The following ERC1 variants were observed in gnomAD, a reference collection of about 807,000 sequenced individuals.
ERC1 encodes ELKS/RAB6-interacting/CAST family member 1, also known as RAB6 interacting protein 2.
In ERC1, 56 loss-of-function variants were observed where a neutral mutation model predicts 132.0. The observed-to-expected ratio is 0.42, with a 90% confidence interval of 0.34 to 0.53. The LOEUF (loss-of-function observed/expected upper bound fraction) is 0.53. ERC1 is among the 20% of genes least tolerant of loss of function. ERC1 has a pLI of 0.03. For missense variants in ERC1, 1,202 were observed against 1,349.9 expected, an observed-to-expected ratio of 0.89 and a Z score of 1.72; for synonymous variants, 478 against 476.1, an observed-to-expected ratio of 1.00 and a Z score of -0.05.
intron 15 of ERC1, among the ~76,000 whole-genome samples, chr12:1,300,233 A>G (rs2080282758): frequency 6.6e-6 from 1 of 152,342 alleles, no homozygotes; most frequent in East Asian, 1.9e-4. Flanking sequence ...TCCTTATTCA[A>G]TAAATGGTCC....
intron 1 of ERC1, among the ~76,000 whole-genome samples, chr12:996,109 G>A (rs1281930365): frequency 6.7e-6 from 1 of 148,496 alleles, no homozygotes; most frequent in African/African-American, 2.5e-5. Flanking sequence ...TTTTTTTTGA[G>A]ATGGAGTCTC....
intron 1 of ERC1, among the ~76,000 whole-genome samples, chr12:1,001,790 A>T (rs1962344888): frequency 6.7e-6 from 1 of 148,928 alleles, no homozygotes; most frequent in Non-Finnish European, 1.5e-5. Flanking sequence ...ATTGATGGAT[A>T]TTTAGGTTGT....
At chr12:1,411,435 G>C (rs1196997722) in intron 17 of ERC1, among the ~76,000 whole-genome samples, 1 of 70,842 alleles carries the variant, frequency 1.4e-5, no homozygotes, top group Non-Finnish European at 3.1e-5. Flanking sequence ...TCTTAACGTT[G>C]AGCACAACCA....
chr12:1,484,125 G>GA (rs1389295236), intron 18 of ERC1, among the ~76,000 whole-genome samples: 1 of 151,662 alleles, frequency 6.6e-6, no homozygotes, highest in Non-Finnish European at 1.5e-5. Context: ...CTAACATGGT[G>GA]AAACCCCATC....
At chr12:1,155,516 C>T (rs985188191) in intron 8 of ERC1, among the ~76,000 whole-genome samples, 3 of 151,870 alleles carry the variant, frequency 2.0e-5, no homozygotes, top group Non-Finnish European at 4.4e-5. Flanking sequence ...CGCTCTGTCG[C>T]CCAGGCTGGA....
intron 18 of ERC1, among the ~76,000 whole-genome samples, chr12:1,458,307 A>G (rs2093580341): frequency 2.0e-5 from 3 of 152,240 alleles, no homozygotes; most frequent in Admixed American, 2.0e-4. Context: ...AAATGAGTAA[A>G]TATATTGGAG....
intron 16 of ERC1, among the ~76,000 whole-genome samples, chr12:1,393,721 G>A (rs1449552723): frequency 6.6e-6 from 1 of 151,214 alleles, no homozygotes; most frequent in African/African-American, 2.4e-5. Flanking sequence ...AAAATATGCT[G>A]TATTTATGTG....
chr12:1,154,856 A>T (rs866488969), intron 8 of ERC1, among the ~76,000 whole-genome samples: 4 of 152,222 alleles, frequency 2.6e-5, no homozygotes, highest in Non-Finnish European at 4.4e-5. Flanking sequence ...TGACAGTGAG[A>T]TACCACCCTA....
intron 18 of ERC1, among the ~76,000 whole-genome samples, chr12:1,446,812 G>A (rs897768322): frequency 7.2e-5 from 11 of 152,106 alleles, no homozygotes; most frequent in Admixed American, 1.3e-4. Context: ...TGTTGACATA[G>A]GAATTTTAAT....
At chr12:1,430,838 T>A (rs935773512) in intron 17 of ERC1, 2 of 152,322 alleles carry the variant, frequency 1.3e-5, no homozygotes, top group African/African-American at 4.8e-5. Context: ...GGCAGAGTAC[T>A]GGAAACAGGA....
chr12:1,091,690 A>G (rs116696105), intron 3 of ERC1, among the ~76,000 whole-genome samples: 1 of 152,348 alleles, frequency 6.6e-6, no homozygotes, highest in African/African-American at 2.4e-5. Context: ...AATGGGAGAG[A>G]AAACCATTCC....
At chr12:1,212,532 A>C (rs371898369) in intron 12 of ERC1, among the ~76,000 whole-genome samples, 2 of 152,182 alleles carry the variant, frequency 1.3e-5, no homozygotes, top group African/African-American at 4.8e-5. Context: ...ATTTTTATTC[A>C]TGAAATTGTT....
intron 15 of ERC1, among the ~76,000 whole-genome samples, chr12:1,314,312 AATT>A (rs1432821912): frequency 6.6e-6 from 1 of 152,210 alleles, no homozygotes; most frequent in Non-Finnish European, 1.5e-5. Context: ...TGACTAATAA[AATT>A]ATAAGAAAAT....
At chr12:1,280,720 C>T (rs1472065641) in intron 14 of ERC1, among the ~76,000 whole-genome samples, 6 of 152,146 alleles carry the variant, frequency 3.9e-5, no homozygotes, top group East Asian at 1.9e-4. Context: ...ACCAGACATG[C>T]GCAAACATAC....
At chr12:1,334,936 A>T (rs370543323) in intron 15 of ERC1, among the ~76,000 whole-genome samples, 1 of 152,120 alleles carries the variant, frequency 6.6e-6, no homozygotes, top group South Asian at 2.1e-4. Context: ...TCTTGTAGAG[A>T]TCTTTCACCT....
At chr12:1,243,173 G>T (rs1426662689) in intron 13 of ERC1, among the ~76,000 whole-genome samples, 1 of 141,036 alleles carries the variant, frequency 7.1e-6, no homozygotes, top group Non-Finnish European at 1.5e-5. Context: ...CGGCCTGGGC[G>T]ACAGAGCGAG....
At chr12:1,125,774 C>T (rs897456681) in intron 7 of ERC1, among the ~76,000 whole-genome samples, 5 of 152,170 alleles carry the variant, frequency 3.3e-5, no homozygotes, top group African/African-American at 9.7e-5. Flanking sequence ...GAGATCGCAC[C>T]ACTGCACTCC....
chr12:1,180,300 C>T (rs572126437), intron 8 of ERC1, among the ~76,000 whole-genome samples: 209 of 138,630 alleles, frequency 1.5e-3, no homozygotes, highest in African/African-American at 6.1e-3. Flanking sequence ...CGCGTGTGCG[C>T]GCGCGCATAC....
intron 12 of ERC1, among the ~76,000 whole-genome samples, chr12:1,196,328 T>C (rs1199261115): frequency 6.6e-6 from 1 of 152,160 alleles, no homozygotes; most frequent in African/African-American, 2.4e-5. Context: ...AGCAGATTTT[T>C]GCCTCCGACT....
Sources: allele counts gnomAD v4.1 joint callset (sites outside exome capture counted in the v4.1 genomes callset), GRCh38; gene constraint gnomAD v4.1.1; transcripts MANE v1.5; gene names NCBI Gene and HGNC (gene_info 2026-07-23, HGNC 2026-07-21).